NRG1: variants seen among roughly 807,000 people sequenced by gnomAD.
NRG1 encodes the protein neuregulin 1, also known as pro-neuregulin-1, membrane-bound isoform.
In NRG1, 18 loss-of-function variants were observed where a neutral mutation model predicts 63.8. The observed-to-expected ratio is 0.28, with a 90% CI of 0.19 to 0.42. The LOEUF (loss-of-function observed/expected upper bound fraction) is 0.42. Ranked by LOEUF, NRG1 falls within the 10% of genes least tolerant of loss-of-function variation. NRG1 has a pLI of 1.00. For missense variants in NRG1, 762 were observed against 814.7 expected (o/e 0.94, Z 0.79); for synonymous variants, 302 against 301.3 (o/e 1.00, Z -0.02).
intron 1 of NRG1, among the ~76,000 whole-genome samples, chr8:31,852,428 C>T (rs560565624): frequency 2.4e-4 from 37 of 152,260 alleles, no homozygotes; most frequent in South Asian, 1.2e-3. Context: ...TGTCTGTTCA[C>T]GTCCTACGCC....
At chr8:31,905,117 T>C (rs1182766877) in intron 1 of NRG1, among the ~76,000 whole-genome samples, 1 of 152,026 alleles carries the variant, frequency 6.6e-6, no homozygotes, top group Non-Finnish European at 1.5e-5. Flanking sequence ...AGAAGACCCA[T>C]AGGACAGTAG....
intron 1 of NRG1, among the ~76,000 whole-genome samples, chr8:32,538,840 T>C (rs1018035588): frequency 2.0e-5 from 3 of 152,190 alleles, no homozygotes; most frequent in Non-Finnish European, 4.4e-5. Flanking sequence ...CATTACTGCA[T>C]GGCAGAGAGA....
intron 1 of NRG1, among the ~76,000 whole-genome samples, chr8:31,907,080 G>A (rs999293354): frequency 6.6e-6 from 1 of 151,940 alleles, no homozygotes; most frequent in Non-Finnish European, 1.5e-5. Context: ...GGTGTTTTGG[G>A]GCCCACTGAC....
intron 1 of NRG1, among the ~76,000 whole-genome samples, chr8:32,421,148 T>G (rs1033905947): frequency 6.6e-6 from 1 of 152,180 alleles, no homozygotes; most frequent in African/African-American, 2.4e-5. Flanking sequence ...CACTCATCTT[T>G]TGAATACATT....
chr8:31,833,278 A>C (rs577113481), intron 1 of NRG1, among the ~76,000 whole-genome samples: 2 of 152,344 alleles, frequency 1.3e-5, no homozygotes, highest in Admixed American at 6.5e-5. Context: ...CAACAGATAC[A>C]GGTATTTGGC....
At position 31,640,743 on chromosome 8, in the gene NRG1, CCTTGGGGG is replaced by C; in HGVS notation, c.37+1314_37+1321del. On this transcript the variant is annotated intron_variant, in intron 1 of 10. Transcript: ENST00000519301. This position sits in a 1 kb window ranked among gnomAD's most constrained non-coding sequence, Gnocchi z 6.3. The stretch of plus-strand genomic sequence containing the variant: ...GCAAGCGGTGCGGTAAGTTCCTCGC[CCTTGGGGG>C]CGCGAACCCGCGGCGAGGAGGGCGC... 5 of 1,518,008 alleles carry C rather than the reference CCTTGGGGG, an allele frequency of 3.3e-6. No individual in the cohort carries two copies. Among genetic ancestry groups the C allele is most frequent in the Non-Finnish European group, 4.4e-6 (5 of 1,131,850 alleles). 94.0% of individuals were successfully genotyped at this position (1,518,008 alleles called of 1,614,324 possible). A position where few individuals can be genotyped will look rare whatever the true frequency, so the allele number is the denominator to read the frequency against.
chr8:32,447,432 C>T (rs2129487852), intron 1 of NRG1, among the ~76,000 whole-genome samples: 1 of 152,216 alleles, frequency 6.6e-6, no homozygotes. Flanking sequence ...TGAAGCTAAT[C>T]ACTGTGGGAA....
At chr8:32,558,308 A>G (rs1431321285) in intron 1 of NRG1, among the ~76,000 whole-genome samples, 1 of 152,228 alleles carries the variant, frequency 6.6e-6, no homozygotes, top group Non-Finnish European at 1.5e-5. Context: ...TTCGGTTTTC[A>G]CTAAACTTAA....
intron 1 of NRG1, among the ~76,000 whole-genome samples, chr8:31,885,716 C>A (rs1830667850): frequency 6.6e-6 from 1 of 152,002 alleles, no homozygotes; most frequent in Non-Finnish European, 1.5e-5. Flanking sequence ...TGATTTTTTG[C>A]TAAATCCTGG....
At chr8:32,422,637 C>CAA (rs1816829950) in intron 1 of NRG1, among the ~76,000 whole-genome samples, 1 of 152,170 alleles carries the variant, frequency 6.6e-6, no homozygotes, top group African/African-American at 2.4e-5. Context: ...TTTGCCAACC[C>CAA]AAAGGGTCAT....
intron 2 of NRG1, among the ~76,000 whole-genome samples, chr8:32,597,655 G>A (rs534329433): frequency 2.0e-5 from 3 of 152,184 alleles, no homozygotes; most frequent in African/African-American, 7.2e-5. Flanking sequence ...TCAAAAAAGT[G>A]TTCTGCTTTG....
intron 1 of NRG1, among the ~76,000 whole-genome samples, chr8:32,190,981 A>C (rs1842437012): frequency 6.6e-6 from 1 of 152,228 alleles, no homozygotes. Context: ...ATAGTAGACA[A>C]ACATCCATTT....
At chr8:32,304,626 T>G (rs1394494518) in intron 1 of NRG1, among the ~76,000 whole-genome samples, 1 of 152,210 alleles carries the variant, frequency 6.6e-6, no homozygotes, top group Non-Finnish European at 1.5e-5. Flanking sequence ...GCTGAAATAT[T>G]TAATATAAAT....
intron 1 of NRG1, among the ~76,000 whole-genome samples, chr8:32,173,189 C>T (rs1189094461): frequency 4.6e-5 from 7 of 152,154 alleles, no homozygotes; most frequent in Non-Finnish European, 1.0e-4. Context: ...CAATATTCAA[C>T]ATTCTTAAAG....
intron 1 of NRG1, among the ~76,000 whole-genome samples, chr8:31,807,760 C>A (rs965872362): frequency 5.3e-5 from 8 of 152,126 alleles, no homozygotes; most frequent in African/African-American, 1.7e-4. Context: ...CAGACCCTGG[C>A]TTCCCCCCAT....
chr8:31,868,394 T>C (rs1220150615), intron 1 of NRG1, among the ~76,000 whole-genome samples: 3 of 152,166 alleles, frequency 2.0e-5, no homozygotes, highest in African/African-American at 7.2e-5. Flanking sequence ...ATATTTCTAC[T>C]GAAACTGATC....
chr8:31,664,417 T>G (rs1458832674), intron 1 of NRG1, among the ~76,000 whole-genome samples: 5 of 152,128 alleles, frequency 3.3e-5, no homozygotes, highest in Admixed American at 3.3e-4. Context: ...AAGGTGTTGA[T>G]AGTGGAAGGT....
chr8:32,294,316 G>A (rs577033331), intron 1 of NRG1, among the ~76,000 whole-genome samples: 28 of 152,232 alleles, frequency 1.8e-4, no homozygotes, highest in African/African-American at 6.7e-4. Flanking sequence ...TTAAGCATGT[G>A]CTCTGGCTGG....
intron 1 of NRG1, among the ~76,000 whole-genome samples, chr8:32,149,260 C>T (rs1357254489): frequency 6.6e-6 from 1 of 152,204 alleles, no homozygotes; most frequent in East Asian, 1.9e-4. Context: ...CTGTACCTGT[C>T]TCAAAATTAT....
Sources: gnomAD v4.1 joint callset for allele counts (sites outside exome capture counted in the v4.1 genomes callset) on GRCh38, gnomAD v4.1.1 for gene constraint, Gnocchi (gnomAD v3.1) non-coding constraint, MANE v1.5 for transcripts, NCBI Gene and HGNC (gene_info 2026-07-23, HGNC 2026-07-21) for gene names.